Variants in WIPF3 observed in about 807,000 individuals in gnomAD.
The protein encoded by WIPF3 is WAS/WASL-interacting protein family member 3.
Under a neutral mutation model 38.9 loss-of-function variants are expected in WIPF3, and 33 were observed. The observed-to-expected ratio is 0.85, with a 90% CI of 0.64 to 1.14. The LOEUF (loss-of-function observed/expected upper bound fraction) is 1.14, where lower values mean the gene tolerates loss of function less well. Ranked by LOEUF, WIPF3 falls within the 50% of genes most tolerant of loss-of-function variation. WIPF3 has a pLI of 0.00. For synonymous variants in WIPF3, 324 were observed against 269.3 expected, an observed-to-expected ratio of 1.20 and a Z score of -1.99; for missense variants, 711 against 652.5, an observed-to-expected ratio of 1.09 and a Z score of -0.98.
intron 4 of WIPF3, among the ~76,000 whole-genome samples, chr7:29,883,226 T>G (rs1204173147): frequency 6.6e-6 from 1 of 152,196 alleles, no homozygotes; most frequent in Non-Finnish European, 1.5e-5. Flanking sequence ...CATAAGTCTT[T>G]GGGAAAGGAG....
In WIPF3 at chr7:29,904,448, A is replaced by G. The variant is rs1466527233; in HGVS notation, c.1428+86A>G. On this transcript the variant is annotated intron_variant, in intron 8 of 8. Transcript: ENST00000242140. ...ATGGTAAGGGTATGCTTTCTCCTAA[A>G]CAGCTTTATATTTTTCCTCACACTC... 3.0e-6 allele frequency: 4 copies of G among 1,323,970 alleles called. No homozygotes were observed. In the Admixed American group the frequency reaches 7.0e-5, roughly 23 times the overall value. The allele number at this position is 1,323,970 out of a possible 1,614,324, so 82.0% of individuals were successfully genotyped here. A position where few individuals can be genotyped will look rare whatever the true frequency, so the allele number is the denominator to read the frequency against.
At chr7:29,834,120 G>A (rs957192815) in intron 1 of WIPF3, among the ~76,000 whole-genome samples, 1 of 152,166 alleles carries the variant, frequency 6.6e-6, no homozygotes, top group Non-Finnish European at 1.5e-5. Flanking sequence ...CACAGGAATA[G>A]CAGGGAAAGT....
At chr7:29,820,053 T>C (rs1784513247) in intron 1 of WIPF3, among the ~76,000 whole-genome samples, 1 of 152,024 alleles carries the variant, frequency 6.6e-6, no homozygotes, top group South Asian at 2.1e-4. Context: ...AAACCTTACT[T>C]TTTTGATCCA....
intron 1 of WIPF3, among the ~76,000 whole-genome samples, chr7:29,829,054 A>G (rs1784674100): frequency 6.6e-6 from 1 of 152,070 alleles, no homozygotes; most frequent in Non-Finnish European, 1.5e-5. Context: ...GCTCCTGCTT[A>G]CTAGAACAGA....
At chr7:29,827,176 T>C (rs1276626192) in intron 1 of WIPF3, among the ~76,000 whole-genome samples, 1 of 152,194 alleles carries the variant, frequency 6.6e-6, no homozygotes, top group Admixed American at 6.5e-5. Flanking sequence ...CTTCTCTGCT[T>C]ACTCAGGCCA....
chr7:29,815,044 A>T (rs527549159), intron 1 of WIPF3, among the ~76,000 whole-genome samples: 1 of 152,304 alleles, frequency 6.6e-6, no homozygotes, highest in South Asian at 2.1e-4. Flanking sequence ...GATGTCCCTT[A>T]AAGCTTCCGT....
chr7:29,870,674 C>T (rs1481172611), intron 2 of WIPF3, among the ~76,000 whole-genome samples: 2 of 152,138 alleles, frequency 1.3e-5, no homozygotes, highest in Non-Finnish European at 2.9e-5. Context: ...GCTTTACCTC[C>T]AGGGAAGCAA....
At position 29,888,170 on chromosome 7, in the gene WIPF3, C is replaced by T. The variant is rs367607022; in HGVS notation, c.1202C>T (p.Thr401Met). The T allele has an allele frequency of 1.4e-5, 23 of 1,613,132 alleles. No individual in the cohort carries two copies. Among genetic ancestry groups the T allele is most frequent in the African/African-American group, 6.7e-5 (5 of 74,914 alleles). ...KSQQATAWTP[T>M]QQPGGQLRNG... ...CAGCAGGCCACAGCCTGGACCCCGACGCAGCAGCCTGGAGGTCAACTGCGA... is the reference window on the plus strand; with the variant it reads ...CAGCAGGCCACAGCCTGGACCCCGATGCAGCAGCCTGGAGGTCAACTGCGA... The change falls in exon 6 of 9, where the codon ACG becomes ATG. Residue 401 changes from threonine (T) to methionine (M), a missense_variant. Transcript: ENST00000242140.
At chr7:29,872,657 G>T (rs1039468718) in intron 2 of WIPF3, among the ~76,000 whole-genome samples, 5 of 151,896 alleles carry the variant, frequency 3.3e-5, no homozygotes, top group African/African-American at 4.8e-5. Flanking sequence ...TTAGCCGGGC[G>T]TGGTGGCGGG....
At position 29,884,419 on chromosome 7, in the gene WIPF3, C is replaced by A; in HGVS notation, c.925C>A (p.Pro309Thr). 7.9e-7 allele frequency: 1 copy of A among 1,258,904 alleles called. No individual in the cohort carries two copies. Among genetic ancestry groups the A allele is most frequent in the Non-Finnish European group, 1.0e-6 (1 of 967,254 alleles). The allele number at this position is 1,258,904 out of a possible 1,614,324, so 78.0% of individuals were successfully genotyped here. Reference protein sequence around the residue: ...YASCSPRASLPAPPLPGVNSS... With the variant: ...YASCSPRASLTAPPLPGVNSS... ...TTCTTGCTCCCCGAGGGCTTCTTTG[C>A]CCGCGCCCCCTTTGCCAGGAGTTAA... Residue 309 changes from proline to threonine, a missense_variant, in exon 5 of 9, where the codon CCC becomes ACC. By Grantham distance (38) the Pro-to-Thr change is conservative. Transcript: ENST00000242140.
intron 4 of WIPF3, 26 bp downstream of exon 4, chr7:29,879,166 CT>C (rs1785667450): frequency 6.2e-7 from 1 of 1,601,440 alleles, no homozygotes; most frequent in African/African-American, 1.3e-5. Flanking sequence ...TTCTGGCTCC[CT>C]TGTGGTCTGT....
At chr7:29,832,264 G>A (rs1213025725) in intron 1 of WIPF3, among the ~76,000 whole-genome samples, 1 of 152,198 alleles carries the variant, frequency 6.6e-6, no homozygotes, top group Non-Finnish European at 1.5e-5. Flanking sequence ...AGTGCCTCCT[G>A]TAAAAGAAAG....
intron 7 of WIPF3, among the ~76,000 whole-genome samples, chr7:29,901,768 A>G (rs10245140): frequency 0.67 from 98,661 of 147,884 alleles, 33,983 homozygotes; most frequent in East Asian, 0.89. Context: ...AGCCTGGGAG[A>G]CAGAGGTTGC....
rs140693773 is a variant in WIPF3 at position 29,907,866 on chromosome 7, A to G, written c.1428+3504A>G. Among the ~76,000 whole-genome samples the G allele has an allele frequency of 4.0e-3, 610 of 152,356 alleles. 5 individuals are homozygous for G. The highest frequency in any genetic ancestry group is 0.014 in the African/African-American group (582 of 41,580). The stretch of plus-strand genomic sequence containing the variant: ...TGGTAACCACACAGAAAATAGCTAT[A>G]GAATATATACAAAAGGAAATGAGAA... On this transcript the variant is annotated intron_variant, in intron 8 of 8. Transcript: ENST00000242140.
chr7:29,873,563 C>T (rs966792892), intron 2 of WIPF3, among the ~76,000 whole-genome samples: 2 of 152,148 alleles, frequency 1.3e-5, no homozygotes, highest in Non-Finnish European at 2.9e-5. Flanking sequence ...AAAATGAACT[C>T]ATGATATTAA....
In WIPF3 at chr7:29,886,334, G is replaced by A. The variant is rs1308489684; in HGVS notation, c.1100-1734G>A. Reference sequence around the variant, plus strand: ...TATTTTCATCTATTTATGATGTGATGAAAAAGACAAAGCTTTTTTTTTTTT... The same window carrying A: ...TATTTTCATCTATTTATGATGTGATAAAAAAGACAAAGCTTTTTTTTTTTT... On this transcript the variant is annotated intron_variant, in intron 5 of 8. Transcript: ENST00000242140. 5.6e-5 allele frequency among the ~76,000 whole-genome samples: 7 copies of A among 124,406 alleles called. No individual in the cohort carries two copies. The South Asian group carries it at 1.2e-3, about 22-fold the overall frequency. The allele number at this position is 124,406 out of a possible 152,430, so 81.6% of individuals were successfully genotyped here. A position where few individuals can be genotyped will look rare whatever the true frequency, so the allele number is the denominator to read the frequency against.
intron 2 of WIPF3, among the ~76,000 whole-genome samples, chr7:29,836,304 G>A (rs1170905207): frequency 6.6e-6 from 1 of 152,180 alleles, no homozygotes; most frequent in African/African-American, 2.4e-5. Flanking sequence ...TGCAAATACT[G>A]ACGTACCCAT....
intron 7 of WIPF3, among the ~76,000 whole-genome samples, chr7:29,893,010 A>G (rs1418144158): frequency 2.0e-5 from 3 of 152,172 alleles, no homozygotes. Context: ...GGTTGCAGTG[A>G]GCTGAGATCG....
At position 29,879,419 on chromosome 7, in the gene WIPF3, A is replaced by C. The variant is rs867053688; in HGVS notation, c.355+279A>C. On this transcript the variant is annotated intron_variant, in intron 4 of 8. Transcript: ENST00000242140. Reference sequence around the variant, plus strand: ...TAATACTTAGTGATGGCGTGATGGTAGCCCAGACTGCAAAGTGTATATAAA... The same window carrying C: ...TAATACTTAGTGATGGCGTGATGGTCGCCCAGACTGCAAAGTGTATATAAA... Among the ~76,000 whole-genome samples the C allele has an allele frequency of 3.3e-5, 5 of 152,366 alleles. No homozygotes were observed. In the Middle Eastern group the frequency reaches 0.014, roughly 415 times the overall value.
Sources: gnomAD v4.1 joint callset for allele counts (sites outside exome capture counted in the v4.1 genomes callset) on GRCh38, gnomAD v4.1.1 for gene constraint, MANE v1.5 for transcripts, NCBI Gene and HGNC (gene_info 2026-07-23, HGNC 2026-07-21) for gene names.